PEX1: variants seen among roughly 807,000 people sequenced by gnomAD.
PEX1 encodes peroxisomal ATPase PEX1.
Under a neutral mutation model 152.5 loss-of-function variants are expected in PEX1, and 97 were observed. The ratio of observed to expected loss-of-function variants is 0.64; its 90% CI spans 0.54 to 0.75. The LOEUF (loss-of-function observed/expected upper bound fraction) is 0.75. PEX1 is among the 30% of genes least tolerant of loss of function. The pLI, the probability that PEX1 is intolerant of heterozygous loss-of-function variation, is 0.00. For synonymous variants in PEX1, 485 were observed against 531.6 expected (o/e 0.91, Z 1.21); for missense variants, 1,357 against 1,516.3 (o/e 0.89, Z 1.74).
intron 5 of PEX1, among the ~76,000 whole-genome samples, chr7:92,514,225 C>A (rs1792615917): frequency 6.6e-6 from 1 of 152,124 alleles, no homozygotes; most frequent in Non-Finnish European, 1.5e-5. Flanking sequence ...AAGGCTTCAC[C>A]TTCATGACCT....
Position 92,511,562 on chromosome 7 carries a change from A to T in PEX1, c.1483+18T>A. The T allele has an allele frequency of 6.2e-7, 1 of 1,601,356 alleles. No homozygotes were observed. The highest frequency in any genetic ancestry group is 1.7e-5 in the Admixed American group (1 of 59,920). On this transcript the variant is annotated intron_variant, in intron 7 of 23. Transcript: ENST00000248633. ...CTATTTAAATAGAAAAAAAAGTCAAAATAACAAATGTACTCACCATCTTTA... is the reference window on the plus strand; with the variant it reads ...CTATTTAAATAGAAAAAAAAGTCAATATAACAAATGTACTCACCATCTTTA...
At chr7:92,492,094 T>G (rs868131514) in intron 20 of PEX1, among the ~76,000 whole-genome samples, 2 of 152,178 alleles carry the variant, frequency 1.3e-5, no homozygotes, top group South Asian at 4.1e-4. Context: ...ATACTGTCTT[T>G]AGAGAAAAGG....
In PEX1 at chr7:92,502,037, A is replaced by G. The variant is rs776758878; in HGVS notation, c.2269T>C (p.Leu757=). 5 of 1,612,790 alleles carry G rather than the reference A, an allele frequency of 3.1e-6. No homozygotes were observed. In the African/African-American group the frequency reaches 5.3e-5, roughly 17 times the overall value. ...EILCNVIKNK[L]DCDINKFTDL... is the part of the protein sequence containing the mutation. ...GTGAACTTGTTTATATCACAGTCCA[A>G]TTTATTTTTTATTACATTACACAGA... The change falls in exon 14 of 24, where the codon TTG becomes CTG. Residue 757 remains leucine (L), a synonymous_variant. Coordinates refer to ENST00000248633, the MANE Select transcript of PEX1 (RefSeq NM_000466.3).
At chr7:92,522,434 T>A (rs1193626324) in intron 1 of PEX1, among the ~76,000 whole-genome samples, 189 bp from the exon 2 acceptor site, 1 of 152,224 alleles carries the variant, frequency 6.6e-6, no homozygotes, top group Admixed American at 6.5e-5. Flanking sequence ...TGGATGCTAA[T>A]GAAGCCAATA....
intron 21 of PEX1, among the ~76,000 whole-genome samples, chr7:92,490,632 C>CAA (rs35917694): frequency 1.4e-3 from 114 of 79,586 alleles, no homozygotes; most frequent in African/African-American, 3.9e-3. Context: ...GAGACTGTCT[C>CAA]AAAAAAAAAA....
intron 1 of PEX1, 42 bp from the exon 2 acceptor site, chr7:92,522,287 C>A (rs200466830): frequency 4.4e-6 from 7 of 1,591,722 alleles, no homozygotes; most frequent in Middle Eastern, 1.7e-4. Context: ...TTTTCGTATA[C>A]ATTTTTCTGG....
In PEX1 at chr7:92,517,618, G is replaced by A. The variant is rs559305030; in HGVS notation, c.897C>T (p.Asn299=). 48 of 1,613,932 alleles carry A rather than the reference G, an allele frequency of 3.0e-5. No homozygotes were observed. Among genetic ancestry groups the A allele is most frequent in the East Asian group, 6.7e-5 (3 of 44,862 alleles). ...TATGAAAAACAGAGGTTGCTGACGC[G>A]TTATATATACTAGGAGGTTGAGATT... ...VCKSQPPSIY[N]ASATSVFHKH... Residue 299 remains asparagine (N), a synonymous_variant, in exon 5 of 24, where the codon AAC becomes AAT. Coordinates refer to ENST00000248633, the MANE Select transcript of PEX1 (RefSeq NM_000466.3).
chr7:92,494,516 G>A lies in PEX1; in HGVS notation c.2897C>T (p.Thr966Ile), dbSNP rs149291566. 3.1e-6 allele frequency: 5 copies of A among 1,613,912 alleles called. No homozygotes were observed. Among genetic ancestry groups the A allele is most frequent in the Non-Finnish European group, 4.2e-6 (5 of 1,179,818 alleles). Residue 966 changes from threonine (T) to isoleucine (I), a missense_variant, in exon 18 of 24, where the codon ACT (threonine) becomes ATT (isoleucine). By Grantham distance (89) the Thr-to-Ile change is moderately conservative (BLOSUM62 -1). Transcript: ENST00000248633. Reference protein sequence around the residue: ...VTDRVVNQLLTQLDGVEGLQG... With the variant: ...VTDRVVNQLLIQLDGVEGLQG... The stretch of plus-strand genomic sequence containing the variant: ...TAAGCCTTCTACTCCATCCAACTGA[G>A]TCAGCAACTGGTTAACTACTCGGTC...
At chr7:92,499,861 AT>A in intron 15 of PEX1, 23 bp from the exon 16 acceptor site, 2 of 1,567,094 alleles carry the variant, frequency 1.3e-6, no homozygotes, top group Admixed American at 1.7e-5. Context: ...AAAAAAAAAT[AT>A]GAAAAAGAGC....
intron 5 of PEX1, among the ~76,000 whole-genome samples, chr7:92,516,293 G>T (rs1365815567): frequency 6.6e-6 from 1 of 151,878 alleles, no homozygotes; most frequent in Non-Finnish European, 1.5e-5. Context: ...CAGGCGTGGT[G>T]GTGCATGCCT....
chr7:92,505,674 GT>G (rs1792155342), intron 11 of PEX1, among the ~76,000 whole-genome samples: 1 of 152,070 alleles, frequency 6.6e-6, no homozygotes, highest in Admixed American at 6.6e-5. Flanking sequence ...GAGTTACAAA[GT>G]TTAAATTTAC....
At chr7:92,516,939 T>A (rs1458965154) in intron 5 of PEX1, among the ~76,000 whole-genome samples, 1 of 152,218 alleles carries the variant, frequency 6.6e-6, no homozygotes, top group Non-Finnish European at 1.5e-5. Flanking sequence ...GGAGGCTTTG[T>A]AGGGCACTCC....
chr7:92,523,903 A>T (rs377711467), intron 1 of PEX1, among the ~76,000 whole-genome samples: 9 of 152,274 alleles, frequency 5.9e-5, no homozygotes, highest in African/African-American at 1.9e-4. Flanking sequence ...AAATTCATTA[A>T]GTTAAAAATA....
chr7:92,491,905 T>C (rs1211126237), intron 20 of PEX1, among the ~76,000 whole-genome samples: 1 of 152,166 alleles, frequency 6.6e-6, no homozygotes, highest in Non-Finnish European at 1.5e-5. Flanking sequence ...AGGGAAGAAC[T>C]TCAATGGCTT....
chr7:92,507,329 C>A (rs1792245267), intron 9 of PEX1: 5 of 493,126 alleles, frequency 1.0e-5, no homozygotes, highest in Non-Finnish European at 1.8e-5. Flanking sequence ...GCCTCAAACG[C>A]CCTGGCAAAG....
chr7:92,509,572 C>A (rs909127838), intron 8 of PEX1, among the ~76,000 whole-genome samples, 161 bp from the exon 9 acceptor site: 1 of 152,134 alleles, frequency 6.6e-6, no homozygotes, highest in Non-Finnish European at 1.5e-5. Context: ...ACAATGTACC[C>A]ATCCAGGGAA....
In PEX1 at chr7:92,501,913, C is replaced by A; in HGVS notation, c.2393G>T (p.Arg798Leu). 5.6e-6 allele frequency: 9 copies of A among 1,613,754 alleles called. No homozygotes were observed. The highest frequency in any genetic ancestry group is 1.6e-4 in the Middle Eastern group (1 of 6,062). The change falls in exon 14 of 24, where the codon CGT becomes CTT. Residue 798 changes from arginine to leucine, a missense_variant. Transcript: ENST00000248633. ...ACTTTCTCTGGTGGATATACTCTGA[C>A]GAGAGAGTCGAGAATGTATGGCTCG... is the stretch of plus-strand genomic sequence containing the variant. ...VDRAIHSRLS[R>L]QSISTREKLV...
At chr7:92,516,073 A>G (rs1377675606) in intron 5 of PEX1, among the ~76,000 whole-genome samples, 6 of 144,452 alleles carry the variant, frequency 4.2e-5, no homozygotes, top group Admixed American at 2.0e-4. Flanking sequence ...AAGAAAAGAA[A>G]AGAAAAGAAA....
intron 2 of PEX1, among the ~76,000 whole-genome samples, chr7:92,521,629 G>A (rs1174920876): frequency 6.6e-6 from 1 of 151,446 alleles, no homozygotes; most frequent in Non-Finnish European, 1.5e-5. Context: ...GAGAGGGGGG[G>A]TTTCACCACG....
Sources: gnomAD v4.1 joint callset for allele counts (sites outside exome capture counted in the v4.1 genomes callset) on GRCh38, gnomAD v4.1.1 for gene constraint, MANE v1.5 for transcripts, NCBI Gene and HGNC (gene_info 2026-07-23, HGNC 2026-07-21) for gene names.